The following PDE4C variants were observed in gnomAD, a reference collection of about 807,000 sequenced individuals.
The protein encoded by PDE4C is phosphodiesterase 4C, also known as 3',5'-cyclic-AMP phosphodiesterase 4C.
In PDE4C, 50 loss-of-function variants were observed where a neutral mutation model predicts 63.9. The ratio of observed to expected loss-of-function variants is 0.78; its 90% CI spans 0.62 to 0.99. The LOEUF is 0.99. PDE4C is among the 50% of genes least tolerant of loss of function. PDE4C has a pLI of 0.00. For missense variants in PDE4C, 777 were observed against 899.1 expected (o/e 0.86, Z 1.74); for synonymous variants, 377 against 385.1 (o/e 0.98, Z 0.25).
Position 18,232,374 on chromosome 19 carries a change from CGT to C in PDE4C, c.242+574_242+575del, listed in dbSNP as rs4006742. 3.8e-3 allele frequency among the ~76,000 whole-genome samples: 573 copies of C among 149,838 alleles called. 2 individuals are homozygous for C. Among genetic ancestry groups the C allele is most frequent in the East Asian group, 8.1e-3 (41 of 5,078 alleles). ...TGAGACTCTGTCTCAAAAATAAAAA[CGT>C]GTGTGTGTGTGTGTGTGTGTGTGTG... is the stretch of plus-strand genomic sequence containing the variant. On this transcript the variant is annotated intron_variant, in intron 1 of 14. Coordinates refer to the PDE4C transcript ENST00000594465.
chr19:18,226,953 T>A (rs971021364), upstream of PDE4C, among the ~76,000 whole-genome samples: 2 of 152,080 alleles, frequency 1.3e-5, no homozygotes, highest in African/African-American at 4.8e-5. Flanking sequence ...AGAGCCTGGA[T>A]CTTACTCAGC....
At chr19:18,237,886 A>C (rs1968979863), upstream of PDE4C, among the ~76,000 whole-genome samples, 1 of 151,556 alleles carries the variant, frequency 6.6e-6, no homozygotes, top group South Asian at 2.1e-4. Context: ...AAAAAAAAAA[A>C]AAAAAAAGTG....
At chr19:18,247,490 T>G (rs1187314874) in intron 1 of PDE4C, among the ~76,000 whole-genome samples, 1 of 152,168 alleles carries the variant, frequency 6.6e-6, no homozygotes, top group Non-Finnish European at 1.5e-5. Context: ...GAGACGGGGT[T>G]TCTCCATGTT....
At chr19:18,210,867 T>C (rs964483710) in exon 15 of PDE4C, 2 of 1,514,724 alleles carry the variant, frequency 1.3e-6, no homozygotes, top group Non-Finnish European at 1.8e-6. Flanking sequence ...CTGGAAAGTC[T>C]GCCTGCCAAG....
At chr19:18,248,763 G>T (rs993266745), upstream of PDE4C, among the ~76,000 whole-genome samples, 1 of 152,054 alleles carries the variant, frequency 6.6e-6, no homozygotes, top group Non-Finnish European at 1.5e-5. Flanking sequence ...GGTGGCTCAC[G>T]CCTGTAATCC....
exon 1 of PDE4C, chr19:18,233,097 A>G (rs1329396997): frequency 1.9e-6 from 3 of 1,570,392 alleles, no homozygotes; most frequent in Non-Finnish European, 2.6e-6. Flanking sequence ...TTGCCGCCAC[A>G]GGTGCTTCGG....
chr19:18,224,824 G>A (rs1161568442), intron 1 of PDE4C, among the ~76,000 whole-genome samples: 1 of 152,250 alleles, frequency 6.6e-6, no homozygotes, highest in Non-Finnish European at 1.5e-5. Flanking sequence ...CGTCTGGGGT[G>A]CGCCGTGGGC....
At chr19:18,221,058 C>CCCCCCCCCCCCCCCCCCCAGTA in intron 4 of PDE4C, 47 bp downstream of exon 4, 1 of 1,221,610 alleles carries the variant, frequency 8.2e-7, no homozygotes, top group Non-Finnish European at 1.2e-6. Context: ...TTCCGCCCAC[C>CCCCCCCCCCCCCCCCCCCAGTA]TTGTCTCTGC....
intron 1 of PDE4C, among the ~76,000 whole-genome samples, chr19:18,222,652 GTTCT>G (rs1968537929): frequency 2.3e-5 from 1 of 43,528 alleles, no homozygotes; most frequent in South Asian, 6.7e-4. Context: ...TTTCTTTCTC[GTTCT>G]TTCTCTCTCT....
downstream of PDE4C, chr19:18,208,488 GACAA>G (rs1967786749): frequency 4.1e-5 from 1 of 24,160 alleles, no homozygotes; most frequent in Non-Finnish European, 8.0e-5. Flanking sequence ...CCCAACCCCC[GACAA>G]GCGCGCCCCG....
At chr19:18,233,430 G>A in exon 1 of PDE4C, 1 of 698,058 alleles carries the variant, frequency 1.4e-6, no homozygotes, top group South Asian at 1.5e-5. Flanking sequence ...AGAAGAACGT[G>A]GTGAGGGGGT....
upstream of PDE4C, among the ~76,000 whole-genome samples, chr19:18,251,808 C>A (rs996228466): frequency 2.0e-5 from 3 of 150,564 alleles, no homozygotes; most frequent in Non-Finnish European, 4.4e-5. Flanking sequence ...GGCCCAAATA[C>A]ATAATGTATA....
At chr19:18,227,829 G>A (rs1968774449), upstream of PDE4C, among the ~76,000 whole-genome samples, 3 of 152,184 alleles carry the variant, frequency 2.0e-5, no homozygotes, top group African/African-American at 7.2e-5. Flanking sequence ...TGGCAGTCCT[G>A]GAGAAGCCCA....
chr19:18,244,709 T>TACTAA (rs1969101855), intron 1 of PDE4C, among the ~76,000 whole-genome samples: 1 of 151,916 alleles, frequency 6.6e-6, no homozygotes, highest in Non-Finnish European at 1.5e-5. Context: ...ACGGGGTTTC[T>TACTAA]CCATGTCGAT....
intron 13 of PDE4C, 91 bp downstream of exon 13, chr19:18,213,277 C>A: frequency 1.8e-6 from 2 of 1,142,274 alleles, no homozygotes; most frequent in Non-Finnish European, 2.3e-6. Flanking sequence ...GAGTGAGACT[C>A]CGTCTCAATA....
intron 8 of PDE4C, 86 bp from the exon 9 acceptor site, chr19:18,219,124 C>T: frequency 6.3e-7 from 1 of 1,580,420 alleles, no homozygotes; most frequent in African/African-American, 1.3e-5. Flanking sequence ...CCAGGTTCCA[C>T]AGTGAGCCCC....
upstream of PDE4C, among the ~76,000 whole-genome samples, chr19:18,248,466 A>G (rs1193374468): frequency 6.7e-6 from 1 of 149,028 alleles, no homozygotes; most frequent in Non-Finnish European, 1.5e-5. Context: ...GGGGGGAAGG[A>G]GGGAAGGGAG....
At chr19:18,226,598 T>C, upstream of PDE4C, 1 of 362,464 alleles carries the variant, frequency 2.8e-6, no homozygotes, top group Middle Eastern at 7.1e-4. Context: ...GACGCAACTC[T>C]CTGCTCCTTT....
chr19:18,219,593 G>A, intron 7 of PDE4C, 196 bp from the exon 8 acceptor site: 1 of 601,632 alleles, frequency 1.7e-6, no homozygotes, highest in Non-Finnish European at 2.9e-6. Context: ...GGAGGTCGAG[G>A]TGGGCAGATC....
Sources: allele counts gnomAD v4.1 joint callset (sites outside exome capture counted in the v4.1 genomes callset), GRCh38; gene constraint gnomAD v4.1.1; transcripts MANE v1.5; gene names NCBI Gene and HGNC (gene_info 2026-07-23, HGNC 2026-07-21).